The following SARS2 variants were observed in gnomAD, a reference collection of about 807,000 sequenced individuals.
SARS2 encodes the protein serine--tRNA ligase, mitochondrial.
SARS2 carries 52 observed loss-of-function variants against 66.8 expected under a neutral mutation model. That is an observed-to-expected ratio of 0.78 (90% CI 0.62 to 0.98). The LOEUF is 0.98. Ranked by LOEUF, SARS2 falls within the 50% of genes least tolerant of loss-of-function variation. The pLI is 0.00. For synonymous variants in SARS2, 306 were observed against 281.4 expected (o/e 1.09, Z -0.87); for missense variants, 673 against 706.3 (o/e 0.95, Z 0.53).
chr19:38,918,224 G>C lies in SARS2; in HGVS notation c.917-85C>G. ...AGATTAAGAGGCACTCCCTCTGGTG[G>C]ATGCAACCCCAGGTCAAGGCCCGGG... On this transcript the variant is annotated intron_variant, in intron 9 of 15. Transcript: ENST00000221431. 2.8e-6 allele frequency: 4 copies of C among 1,426,018 alleles called. No individual in the cohort carries two copies. The South Asian group carries it at 3.7e-5, about 13-fold the overall frequency. The allele number at this position is 1,426,018 out of a possible 1,614,324, so 88.3% of individuals were successfully genotyped here.
chr19:38,919,155 C>T (rs539224908), intron 7 of SARS2, among the ~76,000 whole-genome samples: 19 of 152,236 alleles, frequency 1.2e-4, no homozygotes, highest in Non-Finnish European at 2.2e-4. Flanking sequence ...AGCATGGTGG[C>T]ATGTGCCTGT....
intron 1 of SARS2, 28 bp from the exon 2 acceptor site, chr19:38,926,328 T>C (rs370855951): frequency 6.3e-7 from 1 of 1,594,732 alleles, no homozygotes; most frequent in South Asian, 1.1e-5. Context: ...GAAAAGGAGA[T>C]GAAGCAGCCA....
rs199819134 is a variant in SARS2, at chr19:38,915,584, G to A, written c.*22C>T. ...AACTCCAGGAAGCAGTGACACCCCCGAGGGCTGCTGTGGGTGGGTTCTTAG... is the reference window on the plus strand; with the variant it reads ...AACTCCAGGAAGCAGTGACACCCCCAAGGGCTGCTGTGGGTGGGTTCTTAG... On this transcript the variant is annotated 3_prime_UTR_variant, in exon 16 of 16. Coordinates refer to ENST00000221431, the MANE Select transcript of SARS2 (RefSeq NM_017827.4). The A allele has an allele frequency of 6.1e-4, 990 of 1,609,854 alleles. 1 individual carries two copies. Among genetic ancestry groups the A allele is most frequent in the Non-Finnish European group, 7.7e-4 (911 of 1,179,638 alleles).
chr19:38,921,741 C>CCGGCAGA, intron 3 of SARS2, 74 bp from the exon 4 acceptor site: 1 of 1,578,020 alleles, frequency 6.3e-7, no homozygotes, highest in Admixed American at 1.8e-5. Context: ...TTGATCCTGA[C>CCGGCAGA]CGGCAGAGCC....
At chr19:38,925,976 C>T (rs1299004748) in intron 2 of SARS2, among the ~76,000 whole-genome samples, 1 of 152,090 alleles carries the variant, frequency 6.6e-6, no homozygotes, top group Non-Finnish European at 1.5e-5. Flanking sequence ...ACCGCCATGC[C>T]GCCTAACTTT....
intron 1 of SARS2, among the ~76,000 whole-genome samples, chr19:38,927,857 AC>A (rs1221884185): frequency 6.6e-6 from 1 of 151,556 alleles, no homozygotes; most frequent in African/African-American, 2.4e-5. Context: ...AGATGGTGAA[AC>A]CCTGTCTCTA....
At chr19:38,928,826 G>A (rs1322329026) in intron 1 of SARS2, among the ~76,000 whole-genome samples, 1 of 152,174 alleles carries the variant, frequency 6.6e-6, no homozygotes, top group African/African-American at 2.4e-5. Flanking sequence ...ATTTACCACA[G>A]ATTATAATGA....
At chr19:38,923,423 C>T (rs1368285189) in intron 2 of SARS2, among the ~76,000 whole-genome samples, 1 of 146,958 alleles carries the variant, frequency 6.8e-6, no homozygotes, top group Non-Finnish European at 1.5e-5. Context: ...GGGGTTTCAC[C>T]GTTTTAGCCG....
At chr19:38,927,875 A>T (rs1863483202) in intron 1 of SARS2, among the ~76,000 whole-genome samples, 3 of 151,528 alleles carry the variant, frequency 2.0e-5, no homozygotes, top group African/African-American at 4.9e-5. Flanking sequence ...TCTACTAAAA[A>T]TACAAAAATT....
chr19:38,922,907 CTTTT>C (rs151060566), intron 2 of SARS2, among the ~76,000 whole-genome samples: 1 of 143,448 alleles, frequency 7.0e-6, no homozygotes, highest in African/African-American at 2.6e-5. Context: ...CTCAGGTATT[CTTTT>C]TTTTTTTTTT....
chr19:38,922,859 G>A (rs904894954), intron 2 of SARS2, among the ~76,000 whole-genome samples: 3 of 152,146 alleles, frequency 2.0e-5, no homozygotes, highest in Admixed American at 2.0e-4. Flanking sequence ...ATGGAACTGT[G>A]AGTCAATTAA....
At position 38,923,922 on chromosome 19, in the gene SARS2, C is replaced by T. The variant is rs138176328; in HGVS notation, c.364-1655G>A. Among the ~76,000 whole-genome samples the T allele has an allele frequency of 2.6e-3, 396 of 152,024 alleles. 1 individual carries two copies. The highest frequency in any genetic ancestry group is 9.0e-3 in the African/African-American group (372 of 41,450). On this transcript the variant is annotated intron_variant, in intron 2 of 15. Transcript: ENST00000221431. ...CCGGGAGGCAAAGCTTACAGTGAGC[C>T]GAGATAGTGCCACTGCAGTCTGGCC...
chr19:38,922,755 C>A (rs1482320156), intron 2 of SARS2, among the ~76,000 whole-genome samples: 3 of 152,118 alleles, frequency 2.0e-5, no homozygotes, highest in Non-Finnish European at 2.9e-5. Context: ...TTGGCAGTTA[C>A]CCCCTGTGGC....
chr19:38,922,638 C>T (rs1364848199), intron 2 of SARS2, among the ~76,000 whole-genome samples: 1 of 152,086 alleles, frequency 6.6e-6, no homozygotes, highest in South Asian at 2.1e-4. Flanking sequence ...GTAATTCCAC[C>T]TGTTGAGGAA....
At chr19:38,930,177 G>C (rs1055340309) in intron 1 of SARS2, 3 of 402,422 alleles carry the variant, frequency 7.5e-6, no homozygotes, top group African/African-American at 6.1e-5. Flanking sequence ...TTGCAGCACG[G>C]AGGGCAATGT....
In SARS2 at chr19:38,919,813, G is replaced by A. The variant is rs747012938; in HGVS notation, c.708C>T (p.Ala236=). ...AGTTGACCAGGCCGTGCTGCAGGAG[G>A]GCTCCAGCCCCGCGCAGGTAATAGG... is the stretch of plus-strand genomic sequence containing the variant. ...HRSYYLRGAG[A]LLQHGLVNFT... The change falls in exon 7 of 16, where the codon GCC becomes GCT. Residue 236 remains alanine (A), a synonymous_variant. Coordinates refer to ENST00000221431, the MANE Select transcript of SARS2 (RefSeq NM_017827.4). The A allele has an allele frequency of 5.3e-5, 85 of 1,614,074 alleles. No homozygotes were observed. Among genetic ancestry groups the A allele is most frequent in the Non-Finnish European group, 4.6e-5 (54 of 1,180,044 alleles).
intron 1 of SARS2, chr19:38,930,251 G>A (rs752919611): frequency 1.7e-6 from 1 of 601,000 alleles, no homozygotes; most frequent in Non-Finnish European, 2.9e-6. Flanking sequence ...GCGCATAATG[G>A]GTGTCCAGGA....
At chr19:38,923,973 C>A (rs201613259) in intron 2 of SARS2, among the ~76,000 whole-genome samples, 1 of 150,162 alleles carries the variant, frequency 6.7e-6, no homozygotes. Flanking sequence ...GACTCAGTCT[C>A]AAAAAAAAAT....
In SARS2 at chr19:38,918,163, A is replaced by C. The variant is rs1020494109; in HGVS notation, c.917-24T>G. 3.8e-6 allele frequency: 6 copies of C among 1,584,142 alleles called. No homozygotes were observed. In the African/African-American group the frequency reaches 8.1e-5, roughly 21 times the overall value. ...GCCTGGGAGGAGAGACCACAGGGTGAGCCAGGGCTGCCAGTGCCCAGAGGA... is the reference window on the plus strand; with the variant it reads ...GCCTGGGAGGAGAGACCACAGGGTGCGCCAGGGCTGCCAGTGCCCAGAGGA... On this transcript the variant is annotated intron_variant, in intron 9 of 15. Transcript: ENST00000221431.
Sources: allele counts gnomAD v4.1 joint callset (sites outside exome capture counted in the v4.1 genomes callset), GRCh38; gene constraint gnomAD v4.1.1; transcripts MANE v1.5; gene names NCBI Gene and HGNC (gene_info 2026-07-23, HGNC 2026-07-21).